Variants in NUP210 observed in about 807,000 individuals in gnomAD.
The protein encoded by NUP210 is nucleoporin 210.
A neutral mutation model predicts 196.0 loss-of-function variants in NUP210; 151 were observed. The observed-to-expected ratio is 0.77, with a 90% CI of 0.67 to 0.88. NUP210 has a LOEUF of 0.88. Ranked by LOEUF, NUP210 falls within the 40% of genes least tolerant of loss-of-function variation. The probability of loss-of-function intolerance (pLI) is 0.00; values close to 1 mark genes in which losing one functional copy is unlikely to be tolerated. For synonymous variants in NUP210, 1,070 were observed against 1,052.7 expected, an observed-to-expected ratio of 1.02 and a Z score of -0.32; for missense variants, 2,314 against 2,493.7, an observed-to-expected ratio of 0.93 and a Z score of 1.53.
At chr3:13,389,059 C>G (rs749068026) in intron 4 of NUP210, among the ~76,000 whole-genome samples, 1 of 152,218 alleles carries the variant, frequency 6.6e-6, no homozygotes, top group Non-Finnish European at 1.5e-5. Context: ...ATCCTTCCCA[C>G]GCAGCCTCCC....
intron 3 of NUP210, among the ~76,000 whole-genome samples, chr3:13,393,573 C>T (rs1576414195): frequency 1.3e-5 from 2 of 152,224 alleles, no homozygotes; most frequent in Admixed American, 6.5e-5. Context: ...CTGCCAGCTG[C>T]TGGCCACTGG....
chr3:13,369,993 T>C (rs2124907324), intron 13 of NUP210, among the ~76,000 whole-genome samples: 1 of 152,112 alleles, frequency 6.6e-6, no homozygotes, highest in South Asian at 2.1e-4. Context: ...GCCTGGGAGG[T>C]GGCAGAGGGA....
chr3:13,408,048 C>A (rs1700053884), intron 1 of NUP210, among the ~76,000 whole-genome samples: 1 of 152,116 alleles, frequency 6.6e-6, no homozygotes, highest in Non-Finnish European at 1.5e-5. Flanking sequence ...ACTGAGGGGG[C>A]ACTGTGCAAG....
chr3:13,375,212 C>T (rs1251510855), intron 11 of NUP210, among the ~76,000 whole-genome samples: 2 of 145,970 alleles, frequency 1.4e-5, no homozygotes, highest in African/African-American at 2.5e-5. Context: ...TGGTATCAAA[C>T]TCCTGGGTTT....
chr3:13,335,656 CCT>C (rs774010578), intron 27 of NUP210, 44 bp from the exon 28 acceptor site: 25 of 1,599,554 alleles, frequency 1.6e-5, no homozygotes, highest in Middle Eastern at 1.7e-4. Context: ...GGCCCAGGCC[CCT>C]GTGTCCTCAA....
chr3:13,362,918 C>T (rs546666890), intron 14 of NUP210, among the ~76,000 whole-genome samples: 4 of 152,280 alleles, frequency 2.6e-5, no homozygotes, highest in South Asian at 2.1e-4. Flanking sequence ...TCCCTTCCCC[C>T]GTCACCTCCT....
At chr3:13,411,572 C>A (rs1411384355) in intron 1 of NUP210, among the ~76,000 whole-genome samples, 1 of 152,142 alleles carries the variant, frequency 6.6e-6, no homozygotes, top group Non-Finnish European at 1.5e-5. Context: ...ACCCCCACAT[C>A]TCCTCTGCAA....
At position 13,377,522 on chromosome 3, in the gene NUP210, G is replaced by A. The variant is rs141828880; in HGVS notation, c.1086C>T (p.Thr362=). The change falls in exon 9 of 40, where the codon ACC becomes ACT. Residue 362 remains threonine, a synonymous_variant. Coordinates refer to ENST00000254508, the MANE Select transcript of NUP210 (RefSeq NM_024923.4). ...VHPGDRWVLE[T]GRLYEITIEV... is the part of the protein sequence containing the mutation. ...CGATGGTGATTTCATACAGGCGGCC[G>A]GTCTCCAGCACCCACCTGTCACCAG... is the stretch of plus-strand genomic sequence containing the variant. 2,117 of 1,613,806 alleles carry A rather than the reference G, an allele frequency of 1.3e-3. 21 individuals carry two copies. The South Asian group carries it at 0.013, about 10-fold the overall frequency.
At chr3:13,414,395 G>T (rs1354624206) in intron 1 of NUP210, among the ~76,000 whole-genome samples, 1 of 152,206 alleles carries the variant, frequency 6.6e-6, no homozygotes, top group Non-Finnish European at 1.5e-5. Flanking sequence ...CCCTGCTGCG[G>T]GCCTGGTGAA....
Position 13,336,771 on chromosome 3 carries a change from G to C in NUP210, c.3684+16C>G. 6.2e-7 allele frequency: 1 copy of C among 1,611,322 alleles called. No individual in the cohort carries two copies. The highest frequency in any genetic ancestry group is 8.5e-7 in the Non-Finnish European group (1 of 1,178,740). On this transcript the variant is annotated intron_variant, in intron 27 of 39. Coordinates refer to ENST00000254508, the MANE Select transcript of NUP210 (RefSeq NM_024923.4). ...ACAGGGGTGGGAGGTGAGCTCTGGA[G>C]GGGGTGGTTACCTACCTCGTGGTGC...
chr3:13,401,436 C>T (rs1323692259), intron 1 of NUP210, among the ~76,000 whole-genome samples: 1 of 152,018 alleles, frequency 6.6e-6, no homozygotes, highest in Non-Finnish European at 1.5e-5. Context: ...CGGCAGGAGG[C>T]CTCCAGATGG....
chr3:13,331,992 T>C (rs1259251616), intron 29 of NUP210, among the ~76,000 whole-genome samples: 1 of 152,182 alleles, frequency 6.6e-6, no homozygotes, highest in East Asian at 1.9e-4. Flanking sequence ...TGGCAAGTCT[T>C]GAAACACAAC....
At chr3:13,353,801 T>A in intron 17 of NUP210, 114 bp downstream of exon 17, 1 of 1,236,232 alleles carries the variant, frequency 8.1e-7, no homozygotes, top group Non-Finnish European at 1.2e-6. Flanking sequence ...TTGTAAGAGT[T>A]AACAGGATCT....
At chr3:13,410,959 C>A (rs112262034) in intron 1 of NUP210, among the ~76,000 whole-genome samples, 3,953 of 144,686 alleles carry the variant, frequency 0.027, 185 homozygotes, top group African/African-American at 0.096. Flanking sequence ...TGGTGGCATG[C>A]ACCTTTAGTC....
Position 13,347,320 on chromosome 3 carries a change from G to T in NUP210, c.2836-4017C>A. On this transcript the variant is annotated intron_variant, in intron 20 of 39. Transcript: ENST00000254508. This position sits in a 1 kb window ranked among gnomAD's most constrained non-coding sequence, Gnocchi z 4.7. ...GTTAATGGGAAATGTAAAGTGCCCA[G>T]CAGGCTCCTTCCCCTGCTCTGGTCA... 1.0e-6 allele frequency: 1 copy of T among 985,424 alleles called. No individual in the cohort carries two copies. The highest frequency in any genetic ancestry group is 1.2e-6 in the Non-Finnish European group (1 of 829,912). 61.0% of individuals were successfully genotyped at this position (985,424 alleles called of 1,614,324 possible).
chr3:13,327,757 C>T (rs552133975), intron 31 of NUP210, among the ~76,000 whole-genome samples: 3 of 152,390 alleles, frequency 2.0e-5, no homozygotes, highest in South Asian at 4.1e-4. Flanking sequence ...TGCTTCCTCA[C>T]GCTCTTCCCA....
chr3:13,382,398 G>C (rs1472195125), intron 6 of NUP210, among the ~76,000 whole-genome samples: 1 of 152,184 alleles, frequency 6.6e-6, no homozygotes, highest in African/African-American at 2.4e-5. Context: ...GACATGATGT[G>C]ACTGACTGTG....
intron 5 of NUP210, among the ~76,000 whole-genome samples, chr3:13,387,772 G>A (rs1339166545): frequency 6.6e-6 from 1 of 152,122 alleles, no homozygotes; most frequent in Non-Finnish European, 1.5e-5. Context: ...CTTTCCTCTG[G>A]CATACCCCCA....
intron 6 of NUP210, among the ~76,000 whole-genome samples, chr3:13,382,892 T>C (rs6442379): frequency 0.62 from 94,291 of 152,050 alleles, 30,782 homozygotes; most frequent in African/African-American, 0.84. Flanking sequence ...TGCCTATTAT[T>C]CCAGCACTTT....
Sources: gnomAD v4.1 joint callset for allele counts (sites outside exome capture counted in the v4.1 genomes callset) on GRCh38, gnomAD v4.1.1 for gene constraint, Gnocchi (gnomAD v3.1) non-coding constraint, MANE v1.5 for transcripts, NCBI Gene and HGNC (gene_info 2026-07-23, HGNC 2026-07-21) for gene names.